URM1: variants seen among roughly 807,000 people sequenced by gnomAD.
URM1 encodes the protein ubiquitin related modifier 1.
Under a neutral mutation model 17.7 loss-of-function variants are expected in URM1, and 11 were observed. The observed-to-expected ratio is 0.62, with a 90% confidence interval of 0.39 to 1.03. The LOEUF (loss-of-function observed/expected upper bound fraction) is 1.03, where lower values mean the gene tolerates loss of function less well. Ranked by LOEUF, URM1 falls within the 50% of genes least tolerant of loss-of-function variation. The pLI is 0.00. For missense variants in URM1, 128 were observed against 129.2 expected, an observed-to-expected ratio of 0.99 and a Z score of 0.04; for synonymous variants, 48 against 50.6, an observed-to-expected ratio of 0.95 and a Z score of 0.22.
chr9:128,372,894 G>A (rs547410529), intron 1 of URM1, among the ~76,000 whole-genome samples: 1 of 151,806 alleles, frequency 6.6e-6, no homozygotes, highest in African/African-American at 2.4e-5. Context: ...GGCAACATGG[G>A]GAGACTTCAT....
Position 128,389,667 on chromosome 9 carries a change from G to T in URM1, c.239G>T (p.Gly80Val). ...LINDADWELL[G>V]ELDYQLQDQD... ...CCGCTCCCCTCTCTCCCGCACCAGG[G>T]TGAGCTGGACTACCAGCTTCAGGAC... Residue 80 changes from glycine (G) to valine (V), a missense_variant and splice_region_variant, in exon 5 of 5, where the codon GGT becomes GTT. Physicochemically the swap from Gly to Val is moderately radical, Grantham distance 109. Coordinates refer to ENST00000372853, the MANE Select transcript of URM1 (RefSeq NM_030914.4). 1 of 1,613,514 alleles carries T rather than the reference G, an allele frequency of 6.2e-7. No individual in the cohort carries two copies. The highest frequency in any genetic ancestry group is 1.1e-5 in the South Asian group (1 of 91,088).
chr9:128,379,906 A>C (rs571229524), intron 2 of URM1, among the ~76,000 whole-genome samples: 1 of 152,278 alleles, frequency 6.6e-6, no homozygotes, highest in South Asian at 2.1e-4. Flanking sequence ...TGAGCCCAGG[A>C]GTTTGAGACC....
upstream of URM1, chr9:128,371,334 C>G: frequency 6.2e-7 from 1 of 1,601,436 alleles, no homozygotes; most frequent in Non-Finnish European, 8.5e-7. Flanking sequence ...AATTTGCGGG[C>G]GCGCCGGAAG....
intron 1 of URM1, among the ~76,000 whole-genome samples, chr9:128,375,875 T>A (rs1023549018): frequency 6.6e-6 from 1 of 152,014 alleles, no homozygotes; most frequent in African/African-American, 2.4e-5. Flanking sequence ...CCAAAGTATT[T>A]TAATAACAAA....
In URM1 at chr9:128,375,301, T is replaced by C. The variant is rs367648121; in HGVS notation, c.36-2735T>C. ...CCCACCAGGTCAGCAGCAGGTGGCA[T>C]GGGCAGGAGCATTCAAACCATCATC... On this transcript the variant is annotated intron_variant, in intron 1 of 4. Coordinates refer to ENST00000372853, the MANE Select transcript of URM1 (RefSeq NM_030914.4). Among the ~76,000 whole-genome samples, 18 of 152,254 alleles carry C rather than the reference T, an allele frequency of 1.2e-4. No individual in the cohort carries two copies. In the East Asian group the frequency reaches 3.5e-3, roughly 29 times the overall value.
chr9:128,385,592 C>G lies in URM1; in HGVS notation c.107-2224C>G, dbSNP rs557955256. ...CACAGAGCCATCCATCCCCAAGCCA[C>G]CAGCCCCTGACTCTGCTTAACCCTT... On this transcript the variant is annotated intron_variant, in intron 2 of 4. Transcript: ENST00000372853. 5.3e-5 allele frequency among the ~76,000 whole-genome samples: 8 copies of G among 152,300 alleles called. No homozygotes were observed. The East Asian group carries it at 1.5e-3, about 29-fold the overall frequency.
chr9:128,389,976 G>T lies in URM1; in HGVS notation c.*242G>T, dbSNP rs1198093396. 5 of 573,968 alleles carry T rather than the reference G, an allele frequency of 8.7e-6. No homozygotes were observed. In the Admixed American group the frequency reaches 1.6e-4, roughly 19 times the overall value. 35.6% of individuals were successfully genotyped at this position (573,968 alleles called of 1,614,324 possible). ...CACTCCCTTTTCCAGCAGCTGTGGT[G>T]GGGGAGGGTTCCCCTCCAGTTTGTC... On this transcript the variant is annotated 3_prime_UTR_variant, in exon 5 of 5. Transcript: ENST00000372853.
rs148331426 is a variant in URM1 at position 128,391,224 on chromosome 9, G to C, written c.*1490G>C. 1 of 152,388 alleles carries C rather than the reference G, an allele frequency of 6.6e-6. No homozygotes were observed. The highest frequency in any genetic ancestry group is 1.5e-5 in the Non-Finnish European group (1 of 68,058). 9.4% of individuals were successfully genotyped at this position (152,388 alleles called of 1,614,324 possible). A position where few individuals can be genotyped will look rare whatever the true frequency, so the allele number is the denominator to read the frequency against. The stretch of plus-strand genomic sequence containing the variant: ...TTTAAGGTGGAATTTCTCTCACCCT[G>C]TGGAGATGAAAGTGGCAAAAGGTTG... On this transcript the variant is annotated 3_prime_UTR_variant, in exon 5 of 5. Coordinates refer to ENST00000372853, the MANE Select transcript of URM1 (RefSeq NM_030914.4).
chr9:128,373,641 A>G lies in URM1; in HGVS notation c.35+2226A>G, dbSNP rs538003808. Among the ~76,000 whole-genome samples, 23 of 152,276 alleles carry G rather than the reference A, an allele frequency of 1.5e-4. No individual in the cohort carries two copies. The South Asian group carries it at 4.1e-3, about 27-fold the overall frequency. On this transcript the variant is annotated intron_variant, in intron 1 of 4. Coordinates refer to ENST00000372853, the MANE Select transcript of URM1 (RefSeq NM_030914.4). ...AGGTCACGCAGGATTCAAAGTATGT[A>G]ATATAGTTGTGTTTTGTGTCCCTGT...
chr9:128,375,398 A>G (rs1157461343), intron 1 of URM1, among the ~76,000 whole-genome samples: 3 of 152,072 alleles, frequency 2.0e-5, no homozygotes, highest in East Asian at 1.9e-4. Context: ...ATTTTTCCAG[A>G]TGGAAAGACT....
At chr9:128,373,450 A>G (rs1588576862) in intron 1 of URM1, among the ~76,000 whole-genome samples, 1 of 151,292 alleles carries the variant, frequency 6.6e-6, no homozygotes, top group South Asian at 2.1e-4. Context: ...CCCCACTCCC[A>G]CTCCAGTTCT....
At chr9:128,378,220 C>T (rs1833104080) in intron 2 of URM1, 114 bp downstream of exon 2, 1 of 710,456 alleles carries the variant, frequency 1.4e-6, no homozygotes, top group Middle Eastern at 3.3e-4. Context: ...TAAGCTGCCT[C>T]TCTAGCAGGC....
At chr9:128,379,111 A>G (rs1833122094) in intron 2 of URM1, among the ~76,000 whole-genome samples, 1 of 152,140 alleles carries the variant, frequency 6.6e-6, no homozygotes, top group Non-Finnish European at 1.5e-5. Flanking sequence ...CCTATGACTG[A>G]GATACTTCTG....
chr9:128,376,560 G>A (rs1030551201), intron 1 of URM1, among the ~76,000 whole-genome samples: 2 of 151,934 alleles, frequency 1.3e-5, no homozygotes, highest in Admixed American at 6.6e-5. Context: ...TACTCTGGAA[G>A]CTGAGGCAGA....
Position 128,387,416 on chromosome 9 carries a change from G to A in URM1, c.107-400G>A, listed in dbSNP as rs1833242611. Among the ~76,000 whole-genome samples, 1 of 152,240 alleles carries A rather than the reference G, an allele frequency of 6.6e-6. No individual in the cohort carries two copies. Among genetic ancestry groups the A allele is most frequent in the East Asian group, 1.9e-4 (1 of 5,204 alleles). ...GCGACTGGCTGGAGAGATAAAGGTG[G>A]AGGGGGCTCTTCAAGGTCCTCTCAG... On this transcript the variant is annotated intron_variant, in intron 2 of 4. Coordinates refer to ENST00000372853, the MANE Select transcript of URM1 (RefSeq NM_030914.4). This position sits in a 1 kb window ranked among gnomAD's most constrained non-coding sequence, Gnocchi z 4.3.
chr9:128,379,786 C>T (rs374054494), intron 2 of URM1, among the ~76,000 whole-genome samples: 4 of 151,472 alleles, frequency 2.6e-5, no homozygotes, highest in South Asian at 2.1e-4. Flanking sequence ...GGCAACAGAG[C>T]GAGACTCCAT....
At chr9:128,388,029 T>A in intron 3 of URM1, 132 bp downstream of exon 3, 1 of 1,410,590 alleles carries the variant, frequency 7.1e-7, no homozygotes, top group Non-Finnish European at 9.3e-7. Flanking sequence ...CTTCCAGCTC[T>A]GAGATCTGTT....
intron 1 of URM1, 117 bp downstream of exon 1, chr9:128,371,532 G>C: frequency 9.6e-7 from 1 of 1,045,286 alleles, no homozygotes; most frequent in Non-Finnish European, 1.4e-6. Context: ...AGTGCCCGCT[G>C]TGAGCTACGC....
At chr9:128,371,859 T>C (rs1833018178) in intron 1 of URM1, among the ~76,000 whole-genome samples, 1 of 152,202 alleles carries the variant, frequency 6.6e-6, no homozygotes, top group Non-Finnish European at 1.5e-5. Context: ...TGGGATGTAG[T>C]GGCCAGGGCG....
Sources: allele counts gnomAD v4.1 joint callset (sites outside exome capture counted in the v4.1 genomes callset), GRCh38; gene constraint gnomAD v4.1.1; non-coding constraint Gnocchi (gnomAD v3.1); transcripts MANE v1.5; gene names NCBI Gene and HGNC (gene_info 2026-07-23, HGNC 2026-07-21).